MRPS22: variants seen among roughly 807,000 people sequenced by gnomAD.
MRPS22 encodes the protein mitochondrial ribosomal protein S22.
A neutral mutation model predicts 44.0 loss-of-function variants in MRPS22; 30 were observed. The ratio of observed to expected loss-of-function variants is 0.68; its 90% CI spans 0.51 to 0.93. The LOEUF (loss-of-function observed/expected upper bound fraction) is 0.93, where lower values mean the gene tolerates loss of function less well. MRPS22 is among the 40% of genes least tolerant of loss of function. The probability of loss-of-function intolerance (pLI) is 0.00; values close to 1 mark genes in which losing one functional copy is unlikely to be tolerated. For synonymous variants in MRPS22, 165 were observed against 154.4 expected (o/e 1.07, Z -0.51); for missense variants, 447 against 447.8 (o/e 1.00, Z 0.02).
chr3:139,350,676 C>A (rs1174496669), intron 4 of MRPS22: 2 of 361,022 alleles, frequency 5.5e-6, no homozygotes, highest in Admixed American at 5.4e-5. Context: ...TTCGCACCCC[C>A]CCCCCGCAAT....
Position 139,349,081 on chromosome 3 carries a change from A to G in MRPS22, c.504+757A>G, listed in dbSNP as rs1466545789. The G allele has an allele frequency of 2.2e-5, 7 of 320,612 alleles. No homozygotes were observed. The East Asian group carries it at 2.4e-4, about 11-fold the overall frequency. The allele number at this position is 320,612 out of a possible 1,614,324, so 19.9% of individuals were successfully genotyped here. A position where few individuals can be genotyped will look rare whatever the true frequency, so the allele number is the denominator to read the frequency against. On this transcript the variant is annotated intron_variant, in intron 3 of 7. Coordinates refer to ENST00000680020, the MANE Select transcript of MRPS22 (RefSeq NM_020191.4). ...TTATGGTTAGAAAACGATTTGAGCT[A>G]TGTTCAACACCAGCCATCTGTATAT...
intron 1 of MRPS22, 139 bp from the exon 2 acceptor site, chr3:139,346,739 C>A: frequency 1.3e-6 from 1 of 762,722 alleles, no homozygotes. Flanking sequence ...TAAATGAATG[C>A]ATCTCATAGG....
chr3:139,350,104 A>G (rs1273132693), intron 3 of MRPS22, 75 bp from the exon 4 acceptor site: 1 of 1,533,250 alleles, frequency 6.5e-7, no homozygotes, highest in Non-Finnish European at 9.0e-7. Flanking sequence ...TTATTCTTAT[A>G]ATGGCCTTAG....
chr3:139,346,612 C>T (rs1368149734), intron 1 of MRPS22, among the ~76,000 whole-genome samples: 1 of 152,216 alleles, frequency 6.6e-6, no homozygotes, highest in Admixed American at 6.5e-5. Context: ...GCAACCATTA[C>T]AGTTATTACA....
At chr3:139,356,325 A>G (rs932487024) in intron 7 of MRPS22, among the ~76,000 whole-genome samples, 5 of 152,198 alleles carry the variant, frequency 3.3e-5, no homozygotes, top group African/African-American at 9.6e-5. Flanking sequence ...GTAAGTGCTG[A>G]GAGTTGAGAT....
At chr3:139,344,471 C>T in intron 1 of MRPS22, 1 of 611,896 alleles carries the variant, frequency 1.6e-6, no homozygotes, top group South Asian at 1.9e-5. Flanking sequence ...ACAGACATTT[C>T]CCTGTGGGAA....
At chr3:139,349,070 C>T (rs1453473364) in intron 3 of MRPS22, 2 of 306,902 alleles carry the variant, frequency 6.5e-6, no homozygotes, top group South Asian at 2.8e-5. Flanking sequence ...GGTTAGAAAA[C>T]GATTTGAGCT....
intron 6 of MRPS22, among the ~76,000 whole-genome samples, chr3:139,354,539 TTTTA>T (rs1400266075): frequency 6.6e-6 from 1 of 152,144 alleles, no homozygotes; most frequent in Non-Finnish European, 1.5e-5. Flanking sequence ...GATGAACATT[TTTTA>T]TTTTTTTCCC....
chr3:139,347,824 C>T (rs1197204217), intron 2 of MRPS22, among the ~76,000 whole-genome samples: 2 of 152,192 alleles, frequency 1.3e-5, no homozygotes, highest in Non-Finnish European at 2.9e-5. Context: ...CAGCCAAATA[C>T]ATTTAGACTG....
chr3:139,344,312 A>G (rs1940995121), intron 1 of MRPS22, 114 bp downstream of exon 1: 1 of 1,156,108 alleles, frequency 8.6e-7, no homozygotes, highest in Admixed American at 2.0e-5. Context: ...GCGCTTCCTC[A>G]GATTCAGCTG....
At chr3:139,356,602 C>G (rs1179755228) in intron 7 of MRPS22, among the ~76,000 whole-genome samples, 2 of 152,144 alleles carry the variant, frequency 1.3e-5, no homozygotes, top group African/African-American at 4.8e-5. Context: ...TAACTCTTAG[C>G]CTCCAGATTT....
intron 7 of MRPS22, 32 bp from the exon 8 acceptor site, chr3:139,356,887 T>C: frequency 6.6e-7 from 1 of 1,504,138 alleles, no homozygotes; most frequent in Non-Finnish European, 9.2e-7. Context: ...ATATGTCCTA[T>C]TGTTTTAAAA....
At chr3:139,350,488 CG>C in intron 4 of MRPS22, 166 bp downstream of exon 4, 1 of 711,496 alleles carries the variant, frequency 1.4e-6, no homozygotes, top group Non-Finnish European at 2.3e-6. Flanking sequence ...AGTGCAGTGG[CG>C]GGATCTCAGC....
chr3:139,349,101 G>A, intron 3 of MRPS22: 1 of 343,566 alleles, frequency 2.9e-6, no homozygotes, highest in Non-Finnish European at 5.7e-6. Context: ...CCAGCCATCT[G>A]TATATTTGAC....
At chr3:139,350,147 A>G (rs1270299627) in intron 3 of MRPS22, 32 bp from the exon 4 acceptor site, 7 of 1,613,872 alleles carry the variant, frequency 4.3e-6, no homozygotes, top group Non-Finnish European at 4.2e-6. Flanking sequence ...CGTCCTCACA[A>G]ACGCATCCTT....
chr3:139,351,456 G>A (rs1336402728), intron 5 of MRPS22: 2 of 329,778 alleles, frequency 6.1e-6, no homozygotes, highest in African/African-American at 4.3e-5. Context: ...TATGTGTAAG[G>A]TATTATCTTG....
chr3:139,344,455 A>G, intron 1 of MRPS22: 2 of 613,116 alleles, frequency 3.3e-6, no homozygotes, highest in Non-Finnish European at 5.8e-6. Context: ...GCAAACTAAG[A>G]CTGACACAGA....
At chr3:139,344,732 GGCTT>G (rs1476535831) in intron 1 of MRPS22, 3 of 695,344 alleles carry the variant, frequency 4.3e-6, no homozygotes, top group Non-Finnish European at 7.8e-6. Flanking sequence ...GGATTGATAA[GGCTT>G]GATTAAGGCT....
intron 7 of MRPS22, 145 bp downstream of exon 7, chr3:139,355,935 C>A: frequency 2.8e-6 from 2 of 722,488 alleles, no homozygotes; most frequent in Non-Finnish European, 5.0e-6. Context: ...GATTTGTCCC[C>A]ATATTTCTTC....
Sources: allele counts gnomAD v4.1 joint callset (sites outside exome capture counted in the v4.1 genomes callset), GRCh38; gene constraint gnomAD v4.1.1; transcripts MANE v1.5; gene names NCBI Gene and HGNC (gene_info 2026-07-23, HGNC 2026-07-21).